Variants in CABCOCO1 observed in about 807,000 individuals in gnomAD.
CABCOCO1 encodes ciliary associated calcium binding coiled-coil 1.
A neutral mutation model predicts 35.7 loss-of-function variants in CABCOCO1; 28 were observed. That is an observed-to-expected ratio of 0.78 (90% CI 0.58 to 1.07). CABCOCO1 has a LOEUF of 1.07. Among genes scored for constraint, CABCOCO1 ranks in the 50% least tolerant of loss-of-function variants. The probability of loss-of-function intolerance (pLI) is 0.00; values close to 1 mark genes in which losing one functional copy is unlikely to be tolerated. For missense variants in CABCOCO1, 326 were observed against 309.2 expected (o/e 1.05, Z -0.41); for synonymous variants, 95 against 100.1 (o/e 0.95, Z 0.30).
chr10:61,756,789 T>C (rs1484265379), intron 5 of CABCOCO1, among the ~76,000 whole-genome samples: 1 of 151,880 alleles, frequency 6.6e-6, no homozygotes, highest in Non-Finnish European at 1.5e-5. Context: ...AGAAGGGAGG[T>C]TGCTAAATCA....
chr10:61,732,722 C>A lies in CABCOCO1; in HGVS notation c.553-27337C>A, dbSNP rs1338261923. 2.0e-5 allele frequency among the ~76,000 whole-genome samples: 3 copies of A among 152,004 alleles called. No individual in the cohort carries two copies. In the South Asian group the frequency reaches 6.2e-4, roughly 31 times the overall value. ...GTACAGCTTTCTTGGATTTGCAAGGCTCTGTTAGTCCTCAAAATAATAAGG... is the reference window on the plus strand; with the variant it reads ...GTACAGCTTTCTTGGATTTGCAAGGATCTGTTAGTCCTCAAAATAATAAGG... On this transcript the variant is annotated intron_variant, in intron 5 of 7. Transcript: ENST00000648843.
At chr10:61,755,832 G>A (rs1312090574) in intron 5 of CABCOCO1, among the ~76,000 whole-genome samples, 1 of 151,890 alleles carries the variant, frequency 6.6e-6, no homozygotes, top group African/African-American at 2.4e-5. Context: ...AAAAAAGAAA[G>A]CATAAAGTGA....
At chr10:61,685,998 T>C in intron 3 of CABCOCO1, 43 bp from the exon 4 acceptor site, 1 of 1,518,322 alleles carries the variant, frequency 6.6e-7, no homozygotes, top group Non-Finnish European at 8.9e-7. Context: ...TCTGAAAACA[T>C]CTATCAAAAT....
Position 61,760,073 on chromosome 10 carries a change from T to C in CABCOCO1, c.567T>C (p.Val189=). Residue 189 remains valine (V), a synonymous_variant, in exon 6 of 8, where the codon GTT becomes GTC. Coordinates refer to ENST00000648843, the MANE Select transcript of CABCOCO1 (RefSeq NM_001366906.2). ...CTTCCCATCAGCAAGTGATAGAGGT[T>C]GTCAAGTCTGCATGTGGCCCTTTCC... is the stretch of plus-strand genomic sequence containing the variant. ...IVIGTEQVIE[V]VKSACGPFPN... 2 of 1,612,842 alleles carry C rather than the reference T, an allele frequency of 1.2e-6. 1 individual carries two copies. The highest frequency in any genetic ancestry group is 4.5e-5 in the East Asian group (2 of 44,864).
At chr10:61,679,986 TAAAATGTACATAATTGG>T (rs768845845) in intron 2 of CABCOCO1, among the ~76,000 whole-genome samples, 2 of 151,998 alleles carry the variant, frequency 1.3e-5, no homozygotes, top group Non-Finnish European at 2.9e-5. Context: ...AAAAAATGAC[TAAAATGTACATAATTGG>T]AATGCTTTTT....
intron 2 of CABCOCO1, among the ~76,000 whole-genome samples, chr10:61,679,397 ACCCT>A (rs1839638499): frequency 6.6e-6 from 1 of 152,128 alleles, no homozygotes; most frequent in Non-Finnish European, 1.5e-5. Flanking sequence ...CATTCCAGGA[ACCCT>A]TGTCTGCAAT....
intron 7 of CABCOCO1, among the ~76,000 whole-genome samples, chr10:61,764,109 A>G (rs1842061865): frequency 6.6e-6 from 1 of 152,148 alleles, no homozygotes; most frequent in Non-Finnish European, 1.5e-5. Context: ...AAGTGAATGT[A>G]AAATCCCTAT....
chr10:61,701,514 G>A (rs766305835), intron 5 of CABCOCO1, among the ~76,000 whole-genome samples: 2 of 152,146 alleles, frequency 1.3e-5, no homozygotes, highest in Non-Finnish European at 2.9e-5. Context: ...AAGGACTTTA[G>A]CTAAGGGGAT....
rs370434652 is a variant in CABCOCO1, at chr10:61,760,067, A to G, written c.561A>G (p.Ile187Met). ...TTTTTTCTTCCCATCAGCAAGTGATAGAGGTTGTCAAGTCTGCATGTGGCC... is the reference window on the plus strand; with the variant it reads ...TTTTTTCTTCCCATCAGCAAGTGATGGAGGTTGTCAAGTCTGCATGTGGCC... ...EEIVIGTEQV[I>M]EVVKSACGPF... The change falls in exon 6 of 8, where the codon ATA becomes ATG. Residue 187 changes from isoleucine to methionine, a missense_variant. Coordinates refer to ENST00000648843, the MANE Select transcript of CABCOCO1 (RefSeq NM_001366906.2). 12 of 1,612,702 alleles carry G rather than the reference A, an allele frequency of 7.4e-6. No homozygotes were observed. Among genetic ancestry groups the G allele is most frequent in the South Asian group, 1.1e-5 (1 of 91,006 alleles).
At chr10:61,681,359 T>C (rs1564533330) in intron 3 of CABCOCO1, 47 bp downstream of exon 3, 1 of 1,369,446 alleles carries the variant, frequency 7.3e-7, no homozygotes, top group Non-Finnish European at 1.0e-6. Flanking sequence ...TAATTTACCA[T>C]ATAAATTGAG....
In CABCOCO1 at chr10:61,760,927, C is replaced by T. The variant is rs375217844; in HGVS notation, c.740C>T (p.Pro247Leu). 1.1e-5 allele frequency: 17 copies of T among 1,612,606 alleles called. No homozygotes were observed. Among genetic ancestry groups the T allele is most frequent in the Non-Finnish European group, 1.4e-5 (16 of 1,179,114 alleles). ...GAAACTGACACCTCAGACATGGATC[C>T]TTTAGTTGGTTTTACCATTGAAGAT... is the stretch of plus-strand genomic sequence containing the variant. ...QPETDTSDMDPLVGFTIEDVK... is the reference protein window; with the variant it reads ...QPETDTSDMDLLVGFTIEDVK... The change falls in exon 7 of 8, where the codon CCT becomes CTT. Residue 247 changes from proline to leucine, a missense_variant. Transcript: ENST00000648843.
At chr10:61,758,958 T>C (rs370820639) in intron 5 of CABCOCO1, among the ~76,000 whole-genome samples, 82 of 152,258 alleles carry the variant, frequency 5.4e-4, no homozygotes, top group Admixed American at 1.6e-3. Flanking sequence ...AACATATTTA[T>C]TTGAAATATT....
intron 5 of CABCOCO1, among the ~76,000 whole-genome samples, chr10:61,706,860 T>C (rs1840604214): frequency 6.6e-6 from 1 of 152,212 alleles, no homozygotes; most frequent in South Asian, 2.1e-4. Flanking sequence ...CTCTTCTCCC[T>C]GTATTCTGGA....
chr10:61,668,471 A>G (rs182569280), intron 1 of CABCOCO1, among the ~76,000 whole-genome samples: 93 of 152,130 alleles, frequency 6.1e-4, no homozygotes, highest in African/African-American at 2.2e-3. Context: ...GTGACTTTTT[A>G]GAAAGCAGAC....
At chr10:61,750,928 G>A (rs770583703) in intron 5 of CABCOCO1, among the ~76,000 whole-genome samples, 21 of 152,166 alleles carry the variant, frequency 1.4e-4, no homozygotes, top group Non-Finnish European at 2.4e-4. Flanking sequence ...TCCTCGAGTT[G>A]TTTCCACACA....
intron 5 of CABCOCO1, among the ~76,000 whole-genome samples, chr10:61,759,807 G>T (rs1841968825): frequency 6.6e-6 from 1 of 152,012 alleles, no homozygotes; most frequent in African/African-American, 2.4e-5. Context: ...AGAACGAGGA[G>T]ATACTACATG....
chr10:61,671,867 C>T (rs1206760641), intron 1 of CABCOCO1, among the ~76,000 whole-genome samples: 1 of 152,210 alleles, frequency 6.6e-6, no homozygotes, highest in Non-Finnish European at 1.5e-5. Flanking sequence ...TCTCAGACTA[C>T]CATTCTTCAA....
In CABCOCO1 at chr10:61,704,046, G is replaced by A. The variant is rs543152816; in HGVS notation, c.552+13425G>A. 5.2e-4 allele frequency among the ~76,000 whole-genome samples: 78 copies of A among 151,158 alleles called. 1 individual carries two copies. Among genetic ancestry groups the A allele is most frequent in the Admixed American group, 3.8e-3 (57 of 15,150 alleles). On this transcript the variant is annotated intron_variant, in intron 5 of 7. Transcript: ENST00000648843. ...GCCTGGCCAACATGGTGAAACCCCC[G>A]TCTCTATTAAAAATACAAAAAAAAA...
chr10:61,684,620 C>T (rs541008856), intron 3 of CABCOCO1, among the ~76,000 whole-genome samples: 1 of 152,230 alleles, frequency 6.6e-6, no homozygotes, highest in Non-Finnish European at 1.5e-5. Flanking sequence ...CAGCACAATT[C>T]CCCCAGATCC....
Sources: allele counts gnomAD v4.1 joint callset (sites outside exome capture counted in the v4.1 genomes callset), GRCh38; gene constraint gnomAD v4.1.1; transcripts MANE v1.5; gene names NCBI Gene and HGNC (gene_info 2026-07-23, HGNC 2026-07-21).